Variants in RSPO3 observed in about 807,000 individuals in gnomAD.
The protein encoded by RSPO3 is R-spondin 3.
RSPO3 carries 17 observed loss-of-function variants against 36.5 expected under a neutral mutation model. The ratio of observed to expected loss-of-function variants is 0.47; its 90% CI spans 0.32 to 0.70. The LOEUF is 0.70. RSPO3 is among the 30% of genes least tolerant of loss of function. The probability of loss-of-function intolerance (pLI) is 0.04; values close to 1 mark genes in which losing one functional copy is unlikely to be tolerated. For synonymous variants in RSPO3, 108 were observed against 107.0 expected (o/e 1.01, Z -0.06); for missense variants, 294 against 322.5 (o/e 0.91, Z 0.68).
At chr6:127,189,085 T>C (rs1775356385) in intron 4 of RSPO3, among the ~76,000 whole-genome samples, 1 of 152,084 alleles carries the variant, frequency 6.6e-6, no homozygotes, top group African/African-American at 2.4e-5. Context: ...CAAACCACAA[T>C]TATTTTGCAC....
chr6:127,151,294 G>A (rs372048300), intron 3 of RSPO3, among the ~76,000 whole-genome samples: 80 of 152,102 alleles, frequency 5.3e-4, no homozygotes, highest in African/African-American at 1.9e-3. Flanking sequence ...AGGTCCCTCA[G>A]ACAAGTTGTT....
intron 4 of RSPO3, among the ~76,000 whole-genome samples, chr6:127,182,169 C>T (rs980245498): frequency 2.0e-5 from 3 of 151,840 alleles, no homozygotes; most frequent in Non-Finnish European, 4.4e-5. Flanking sequence ...AGTGAGAACT[C>T]ACTCATTACC....
chr6:127,160,727 G>A (rs918660851), intron 4 of RSPO3, among the ~76,000 whole-genome samples: 1 of 152,110 alleles, frequency 6.6e-6, no homozygotes, highest in African/African-American at 2.4e-5. Context: ...TGGCACATTG[G>A]TGGGTGTGTC....
At chr6:127,173,277 A>G (rs548524777) in intron 4 of RSPO3, among the ~76,000 whole-genome samples, 1 of 151,972 alleles carries the variant, frequency 6.6e-6, no homozygotes, top group South Asian at 2.1e-4. Context: ...GATGTTTTAA[A>G]GCCAAATAGT....
chr6:127,123,475 C>T (rs891134810), intron 1 of RSPO3, among the ~76,000 whole-genome samples: 2 of 152,002 alleles, frequency 1.3e-5, no homozygotes, highest in Admixed American at 1.3e-4. Flanking sequence ...AATTCATATG[C>T]GGTAGTGGCA....
chr6:127,179,103 T>C (rs1775128839), intron 4 of RSPO3, among the ~76,000 whole-genome samples: 1 of 151,870 alleles, frequency 6.6e-6, no homozygotes, highest in African/African-American at 2.4e-5. Context: ...ATAAGAATTC[T>C]TGTTCACAAA....
intron 4 of RSPO3, among the ~76,000 whole-genome samples, chr6:127,167,947 T>G (rs1774855431): frequency 6.6e-6 from 1 of 151,394 alleles, no homozygotes; most frequent in African/African-American, 2.4e-5. Flanking sequence ...AACTCATCCT[T>G]TTTTATGGCT....
chr6:127,147,594 C>G (rs1156553384), intron 1 of RSPO3, among the ~76,000 whole-genome samples: 1 of 152,098 alleles, frequency 6.6e-6, no homozygotes, highest in Non-Finnish European at 1.5e-5. Flanking sequence ...GTAGTTTTTA[C>G]CAGCTCATGC....
At chr6:127,155,532 C>A in intron 4 of RSPO3, 94 bp downstream of exon 4, 2 of 1,137,980 alleles carry the variant, frequency 1.8e-6, no homozygotes, top group Non-Finnish European at 1.3e-6. Context: ...CATTATCTTT[C>A]ATGCCTAATA....
chr6:127,194,280 C>G (rs1775469225), intron 4 of RSPO3, among the ~76,000 whole-genome samples: 1 of 152,204 alleles, frequency 6.6e-6, no homozygotes, highest in Non-Finnish European at 1.5e-5. Flanking sequence ...CTCATGCAGA[C>G]AATTTCTCCA....
intron 4 of RSPO3, among the ~76,000 whole-genome samples, chr6:127,169,999 T>C (rs1473689763): frequency 6.6e-6 from 1 of 151,806 alleles, no homozygotes; most frequent in African/African-American, 2.4e-5. Context: ...CTGATGTGGC[T>C]TGGGGCCAGG....
chr6:127,124,155 C>T (rs564842595), intron 1 of RSPO3, among the ~76,000 whole-genome samples: 1 of 151,932 alleles, frequency 6.6e-6, no homozygotes, highest in African/African-American at 2.4e-5. Flanking sequence ...TAAGAATGAG[C>T]TATGAAAAAA....
intron 4 of RSPO3, among the ~76,000 whole-genome samples, chr6:127,167,348 C>T (rs967999134): frequency 2.6e-5 from 4 of 151,970 alleles, no homozygotes; most frequent in Non-Finnish European, 5.9e-5. Context: ...CATCGTTCAG[C>T]TCCCATTTGT....
intron 4 of RSPO3, among the ~76,000 whole-genome samples, chr6:127,171,636 AAAC>A (rs1163569243): frequency 9.9e-5 from 15 of 151,946 alleles, no homozygotes; most frequent in African/African-American, 2.9e-4. Flanking sequence ...GTATCACTTT[AAAC>A]AACATCTCTT....
At chr6:127,161,545 G>A (rs751706507) in intron 4 of RSPO3, among the ~76,000 whole-genome samples, 10 of 151,906 alleles carry the variant, frequency 6.6e-5, no homozygotes, top group Non-Finnish European at 1.5e-4. Flanking sequence ...CGAAAATCAT[G>A]GTGGACATTA....
intron 4 of RSPO3, among the ~76,000 whole-genome samples, chr6:127,159,104 G>A (rs1008828889): frequency 6.6e-6 from 1 of 152,056 alleles, no homozygotes; most frequent in African/African-American, 2.4e-5. Flanking sequence ...CTCAGATAAG[G>A]AAAACTGAAA....
intron 1 of RSPO3, among the ~76,000 whole-genome samples, chr6:127,120,816 G>A (rs1205927855): frequency 6.6e-6 from 1 of 152,244 alleles, no homozygotes; most frequent in Non-Finnish European, 1.5e-5. Context: ...AACTAAATAT[G>A]TCAGGGCATC....
chr6:127,122,273 C>T (rs1050016886), intron 1 of RSPO3, among the ~76,000 whole-genome samples: 1 of 152,118 alleles, frequency 6.6e-6, no homozygotes. Context: ...TTTAAAATGT[C>T]TATTTAGTTA....
chr6:127,122,289 GAATA>G (rs1365136187), intron 1 of RSPO3, among the ~76,000 whole-genome samples: 1 of 152,162 alleles, frequency 6.6e-6, no homozygotes, highest in African/African-American at 2.4e-5. Context: ...AGTTATGGGT[GAATA>G]AATACACAAT....
Sources: gnomAD v4.1 joint callset for allele counts (sites outside exome capture counted in the v4.1 genomes callset) on GRCh38, gnomAD v4.1.1 for gene constraint, MANE v1.5 for transcripts, NCBI Gene and HGNC (gene_info 2026-07-23, HGNC 2026-07-21) for gene names.